PTPRE: variants seen among roughly 807,000 people sequenced by gnomAD.
The protein encoded by PTPRE is receptor-type tyrosine-protein phosphatase epsilon.
A neutral mutation model predicts 102.0 loss-of-function variants in PTPRE; 51 were observed. That is an observed-to-expected ratio of 0.50 (90% CI 0.40 to 0.63). The LOEUF (loss-of-function observed/expected upper bound fraction) is 0.63. Among genes scored for constraint, PTPRE ranks in the 30% least tolerant of loss-of-function variants. The pLI is 0.00. For synonymous variants in PTPRE, 345 were observed against 348.2 expected (o/e 0.99, Z 0.10); for missense variants, 752 against 915.1 (o/e 0.82, Z 2.30).
intron 2 of PTPRE, chr10:127,987,430 T>C: frequency 9.6e-7 from 1 of 1,044,484 alleles, no homozygotes. Flanking sequence ...TTCTTGTCTC[T>C]TTGGTTTTGT....
intron 17 of PTPRE, among the ~76,000 whole-genome samples, chr10:128,076,131 G>T (rs557991797): frequency 3.9e-5 from 6 of 152,196 alleles, no homozygotes; most frequent in Non-Finnish European, 8.8e-5. Flanking sequence ...AAAGTGAAAA[G>T]ATATTTCTTC....
intron 2 of PTPRE, among the ~76,000 whole-genome samples, chr10:127,992,359 C>G (rs890285227): frequency 6.6e-6 from 1 of 152,008 alleles, no homozygotes; most frequent in African/African-American, 2.4e-5. Context: ...CTGCAAGGCT[C>G]TAGGGTTCTC....
In PTPRE at chr10:128,040,881, C is replaced by T. The variant is rs1269690541; in HGVS notation, c.-1C>T. 1 of 1,613,756 alleles carries T rather than the reference C, an allele frequency of 6.2e-7. No individual in the cohort carries two copies. The highest frequency in any genetic ancestry group is 1.3e-5 in the African/African-American group (1 of 74,894). On this transcript the variant is annotated 5_prime_UTR_variant, in exon 3 of 21. Transcript: ENST00000254667. ...TGTCCCTGCCTCTCTGCAGGTCCACCATGGAGCCCTTGTGTCCACTCCTGC... is the reference window on the plus strand; with the variant it reads ...TGTCCCTGCCTCTCTGCAGGTCCACTATGGAGCCCTTGTGTCCACTCCTGC...
chr10:128,031,203 G>T (rs533361338), intron 2 of PTPRE, among the ~76,000 whole-genome samples: 12 of 152,358 alleles, frequency 7.9e-5, no homozygotes, highest in African/African-American at 2.6e-4. Flanking sequence ...GAAATCAAAA[G>T]TGTAGCGTAA....
At chr10:128,015,152 C>T (rs912026200) in intron 2 of PTPRE, among the ~76,000 whole-genome samples, 10 of 152,138 alleles carry the variant, frequency 6.6e-5, no homozygotes, top group African/African-American at 2.4e-4. Context: ...CACAAAAAGA[C>T]CTGTACCCAA....
intron 5 of PTPRE, 85 bp from the exon 6 acceptor site, chr10:128,049,445 A>G: frequency 6.7e-7 from 1 of 1,503,698 alleles, no homozygotes; most frequent in South Asian, 1.2e-5. Flanking sequence ...TCATTTCTTC[A>G]GGAATGTCGT....
chr10:127,998,660 T>C (rs1312904215), intron 2 of PTPRE: 1 of 152,168 alleles, frequency 6.6e-6, no homozygotes, highest in African/African-American at 2.4e-5. Flanking sequence ...CGACATGACG[T>C]GCTGCGTTGG....
rs548522614 is a variant in PTPRE at position 127,942,203 on chromosome 10, A to G, written c.-31+34894A>G. ...AAGGAGAGCTGTGATATCCAGGTAGATGGTTTAAGCACAGGGAACCAAGGA... is the reference window on the plus strand; with the variant it reads ...AAGGAGAGCTGTGATATCCAGGTAGGTGGTTTAAGCACAGGGAACCAAGGA... On this transcript the variant is annotated intron_variant, in intron 1 of 20. Transcript: ENST00000254667. Among the ~76,000 whole-genome samples, 41 of 152,282 alleles carry G rather than the reference A, an allele frequency of 2.7e-4. 2 individuals carry two copies. Among genetic ancestry groups the G allele is most frequent in the African/African-American group, 9.9e-4 (41 of 41,556 alleles).
intron 2 of PTPRE, among the ~76,000 whole-genome samples, chr10:128,011,104 G>C (rs1264829127): frequency 6.6e-6 from 1 of 152,182 alleles, no homozygotes; most frequent in African/African-American, 2.4e-5. Flanking sequence ...CCAATTTCCT[G>C]AACATGGCAT....
chr10:127,977,505 G>A (rs913289), intron 1 of PTPRE, among the ~76,000 whole-genome samples: 6,173 of 152,250 alleles, frequency 0.041, 206 homozygotes, highest in Admixed American at 0.09. Context: ...CTGCCCACTC[G>A]AATGCTTGTG....
At chr10:127,998,715 G>T (rs1366196115) in intron 2 of PTPRE, 2 of 152,138 alleles carry the variant, frequency 1.3e-5, no homozygotes. Flanking sequence ...AAATTGTGTT[G>T]GAGCTACTGG....
intron 1 of PTPRE, among the ~76,000 whole-genome samples, chr10:127,909,197 G>A (rs576841861): frequency 1.3e-5 from 2 of 152,326 alleles, no homozygotes; most frequent in South Asian, 4.1e-4. Flanking sequence ...ATGCGTGTGT[G>A]CAAACCATTG....
At position 128,049,619 on chromosome 10, in the gene PTPRE, C is replaced by T. The variant is rs778736773; in HGVS notation, c.373C>T (p.Arg125Cys). 2.6e-5 allele frequency: 42 copies of T among 1,613,940 alleles called. No individual in the cohort carries two copies. Among genetic ancestry groups the T allele is most frequent in the South Asian group, 4.4e-5 (4 of 91,072 alleles). ...CGTGGAGCACCTGGAGGAGGAGATC[C>T]GTATCAGATCCGCCGACGACTGCAA... ...IPVEHLEEEI[R>C]IRSADDCKQF... The change falls in exon 6 of 21, where the codon CGT (arginine) becomes TGT (cysteine). Residue 125 changes from arginine (R) to cysteine (C), a missense_variant. Arg to Cys is a radical substitution (Grantham distance 180, BLOSUM62 -3). Around this residue, in one of 2 missense-constraint regions of PTPRE, gnomAD observed 636 missense variants for 824.4 expected, o/e 0.77. Transcript: ENST00000254667.
intron 1 of PTPRE, among the ~76,000 whole-genome samples, chr10:127,935,744 C>T (rs920716941): frequency 1.3e-5 from 2 of 152,130 alleles, no homozygotes; most frequent in African/African-American, 4.8e-5. Flanking sequence ...CCCCTCAGTG[C>T]CCAGGCACAT....
intron 2 of PTPRE, among the ~76,000 whole-genome samples, chr10:128,007,509 C>T (rs1043261767): frequency 9.9e-5 from 15 of 152,228 alleles, no homozygotes; most frequent in African/African-American, 3.4e-4. Context: ...TCCATTTATC[C>T]TGAAAGGGGA....
At chr10:128,068,980 T>G (rs991874922) in intron 12 of PTPRE, 2 of 152,328 alleles carry the variant, frequency 1.3e-5, no homozygotes, top group African/African-American at 4.8e-5. Flanking sequence ...ATACTAAGTT[T>G]CCATCTGTTA....
rs1848385870 is a variant in PTPRE at position 128,049,576 on chromosome 10, G to A, written c.330G>A (p.Lys110=). The change falls in exon 6 of 21, where the codon AAG becomes AAA. Residue 110 remains lysine (K), a synonymous_variant. Coordinates refer to ENST00000254667, the MANE Select transcript of PTPRE (RefSeq NM_006504.6). ...MLLSRSPSGP[K]KYFPIPVEHL... is the part of the protein sequence containing the mutation. ...TCAGCAGGTCACCCTCAGGGCCCAA[G>A]AAGTATTTTCCCATCCCCGTGGAGC... 6.2e-7 allele frequency: 1 copy of A among 1,614,052 alleles called. No individual in the cohort carries two copies. Among genetic ancestry groups the A allele is most frequent in the African/African-American group, 1.3e-5 (1 of 75,026 alleles).
intron 1 of PTPRE, among the ~76,000 whole-genome samples, chr10:127,912,275 A>C (rs56173340): frequency 0.16 from 24,585 of 152,246 alleles, 2,224 homozygotes; most frequent in African/African-American, 0.24. Flanking sequence ...ATTGAGCTTA[A>C]GAAATACAAA....
At chr10:127,952,586 C>G (rs762792911) in intron 1 of PTPRE, among the ~76,000 whole-genome samples, 1 of 152,156 alleles carries the variant, frequency 6.6e-6, no homozygotes, top group East Asian at 1.9e-4. Flanking sequence ...CCTACAGCCC[C>G]TACCCAACAA....
Sources: gnomAD v4.1 joint callset for allele counts (sites outside exome capture counted in the v4.1 genomes callset) on GRCh38, gnomAD v4.1.1 for gene constraint, gnomAD v4.1.1 regional missense constraint, MANE v1.5 for transcripts, NCBI Gene and HGNC (gene_info 2026-07-23, HGNC 2026-07-21) for gene names.